Variants in ZNF345 observed in about 807,000 individuals in gnomAD.
ZNF345 encodes the protein zinc finger protein 345.
For synonymous variants in ZNF345, 166 were observed against 187.9 expected (o/e 0.88, Z 0.95); for missense variants, 527 against 589.9 (o/e 0.89, Z 1.10).
chr19:36,854,759 T>C (rs2072368551), intron 2 of ZNF345, among the ~76,000 whole-genome samples: 1 of 152,178 alleles, frequency 6.6e-6, no homozygotes, highest in South Asian at 2.1e-4. Flanking sequence ...ATTTATTGTC[T>C]AATATTTTTT....
intron 2 of ZNF345, among the ~76,000 whole-genome samples, chr19:36,870,604 AG>A (rs1363065615): frequency 1.3e-5 from 2 of 152,182 alleles, no homozygotes; most frequent in Non-Finnish European, 2.9e-5. Context: ...ATTCTTTGGC[AG>A]GGCATGGAAT....
chr19:36,868,977 G>A (rs149409423), intron 2 of ZNF345, among the ~76,000 whole-genome samples: 28 of 152,204 alleles, frequency 1.8e-4, no homozygotes, highest in African/African-American at 6.7e-4. Flanking sequence ...TTATTTTAGC[G>A]AGTATTGCCA....
rs990428433 is a variant in ZNF345, at chr19:36,850,945, G to C, written c.-145G>C. 6.6e-6 allele frequency: 1 copy of C among 152,444 alleles called. No individual in the cohort carries two copies. 9.4% of individuals were successfully genotyped at this position (152,444 alleles called of 1,614,324 possible). On this transcript the variant is annotated 5_prime_UTR_variant, in exon 1 of 3. Coordinates refer to ENST00000420450, the MANE Select transcript of ZNF345 (RefSeq NM_001242472.2). ...CGACTTGTGTGGATTCTAGTAGAACGGAGCTGACCCTATCCGAACAGGCGT... is the reference window on the plus strand; with the variant it reads ...CGACTTGTGTGGATTCTAGTAGAACCGAGCTGACCCTATCCGAACAGGCGT...
chr19:36,887,380 C>CTTG (rs1252482360), intron 3 of ZNF345, among the ~76,000 whole-genome samples: 1 of 152,132 alleles, frequency 6.6e-6, no homozygotes, highest in Non-Finnish European at 1.5e-5. Flanking sequence ...TGTACCAATA[C>CTTG]TTGTTAATTA....
At chr19:36,873,110 A>C (rs760525640) in intron 2 of ZNF345, among the ~76,000 whole-genome samples, 8 of 151,854 alleles carry the variant, frequency 5.3e-5, no homozygotes, top group Non-Finnish European at 1.0e-4. Context: ...CTTTTGAATG[A>C]TTTGTTTTTA....
intron 2 of ZNF345, among the ~76,000 whole-genome samples, chr19:36,852,132 T>C (rs1295924180): frequency 8.0e-4 from 113 of 141,072 alleles, no homozygotes; most frequent in Middle Eastern, 3.4e-3. Flanking sequence ...TTCTTTCTTT[T>C]TTTTTTTTTT....
At chr19:36,860,246 C>T (rs566220519) in intron 2 of ZNF345, among the ~76,000 whole-genome samples, 6 of 152,246 alleles carry the variant, frequency 3.9e-5, no homozygotes, top group East Asian at 1.9e-4. Context: ...CATGAGCCAC[C>T]GCGTCCAGCT....
chr19:36,868,629 C>CTTT (rs539327560), intron 2 of ZNF345, among the ~76,000 whole-genome samples: 3 of 134,660 alleles, frequency 2.2e-5, no homozygotes, highest in African/African-American at 5.5e-5. Context: ...TGAGGAGTGG[C>CTTT]TTTTTTTTTT....
downstream of ZNF345, among the ~76,000 whole-genome samples, chr19:36,882,502 C>T (rs1383372729): frequency 3.9e-5 from 6 of 152,078 alleles, no homozygotes; most frequent in African/African-American, 1.4e-4. Flanking sequence ...CTCTTGACCT[C>T]GTGATCCGCC....
chr19:36,857,407 C>T (rs1039864206), intron 2 of ZNF345, among the ~76,000 whole-genome samples: 19 of 151,880 alleles, frequency 1.3e-4, no homozygotes, highest in African/African-American at 4.1e-4. Context: ...CCTGGGTTCA[C>T]GCCATTCTCC....
intron 2 of ZNF345, among the ~76,000 whole-genome samples, chr19:36,860,226 G>A (rs1194977625): frequency 6.6e-6 from 1 of 151,998 alleles, no homozygotes; most frequent in Non-Finnish European, 1.5e-5. Flanking sequence ...CAAAGTGCTG[G>A]GATTACAGGC....
At chr19:36,875,341 G>T (rs942293697) in intron 2 of ZNF345, among the ~76,000 whole-genome samples, 6 of 152,142 alleles carry the variant, frequency 3.9e-5, no homozygotes, top group African/African-American at 1.4e-4. Flanking sequence ...CTAAACCACT[G>T]CCAGAAACTT....
chr19:36,853,969 T>C (rs754633598), intron 2 of ZNF345, among the ~76,000 whole-genome samples: 7 of 152,196 alleles, frequency 4.6e-5, no homozygotes, highest in Non-Finnish European at 8.8e-5. Flanking sequence ...CGTATAATTT[T>C]TTGAGTAGAA....
At chr19:36,883,954 A>G (rs2072982551), downstream of ZNF345, among the ~76,000 whole-genome samples, 1 of 152,222 alleles carries the variant, frequency 6.6e-6, no homozygotes, top group Non-Finnish European at 1.5e-5. Context: ...AGGGCTACCC[A>G]TACTTCAGAC....
chr19:36,882,974 AG>A (rs1600722205), downstream of ZNF345, among the ~76,000 whole-genome samples: 1 of 152,254 alleles, frequency 6.6e-6, no homozygotes, highest in East Asian at 1.9e-4. Context: ...CTGTTAATAT[AG>A]GGGTTTTACT....
Position 36,877,138 on chromosome 19 carries a change from C to T in ZNF345, c.308C>T (p.Ala103Val), listed in dbSNP as rs1287639097. 1 of 1,614,104 alleles carries T rather than the reference C, an allele frequency of 6.2e-7. No homozygotes were observed. The highest frequency in any genetic ancestry group is 8.5e-7 in the Non-Finnish European group (1 of 1,180,004). ...TGTGGCAAGGCCTTTGGTAGTGGTG[C>T]AAACCTTGCTTACCATCAAAGAATT... ...KECGKAFGSGANLAYHQRIHT... is the reference protein window; with the variant it reads ...KECGKAFGSGVNLAYHQRIHT... The change falls in exon 3 of 3, where the codon GCA becomes GTA. Residue 103 changes from alanine to valine, a missense_variant. Transcript: ENST00000420450.
chr19:36,859,864 C>A (rs1030863564), intron 2 of ZNF345, among the ~76,000 whole-genome samples: 1 of 149,126 alleles, frequency 6.7e-6, no homozygotes, highest in African/African-American at 2.5e-5. Flanking sequence ...TTCTCTCTCT[C>A]CCTCTCTCTC....
intron 2 of ZNF345, among the ~76,000 whole-genome samples, chr19:36,868,298 G>A (rs556353401): frequency 3.3e-5 from 5 of 152,056 alleles, no homozygotes; most frequent in Admixed American, 2.6e-4. Context: ...CACCGCGCCC[G>A]GCCTTGAGTT....
chr19:36,877,380 A>G lies in ZNF345; in HGVS notation c.550A>G (p.Ser184Gly), dbSNP rs1371461384. The change falls in exon 3 of 3, where the codon AGT becomes GGT. Residue 184 changes from serine (S) to glycine (G), a missense_variant. Coordinates refer to ENST00000420450, the MANE Select transcript of ZNF345 (RefSeq NM_001242472.2). ...YECKECGKSF[S>G]FESALIRHHR... ...GTGTAAGGAATGTGGGAAGTCCTTT[A>G]GTTTTGAATCAGCCCTTATTCGGCA... 4 of 1,614,108 alleles carry G rather than the reference A, an allele frequency of 2.5e-6. No homozygotes were observed. Among genetic ancestry groups the G allele is most frequent in the Non-Finnish European group, 3.4e-6 (4 of 1,180,008 alleles).
Sources: gnomAD v4.1 joint callset for allele counts (sites outside exome capture counted in the v4.1 genomes callset) on GRCh38, gnomAD v4.1.1 for gene constraint, MANE v1.5 for transcripts, NCBI Gene and HGNC (gene_info 2026-07-23, HGNC 2026-07-21) for gene names.